Variants in PYROXD2 observed in about 807,000 individuals in gnomAD.
PYROXD2 encodes pyridine nucleotide-disulphide oxidoreductase domain 2, also known as pyridine nucleotide-disulfide oxidoreductase domain-containing protein 2.
PYROXD2 carries 69 observed loss-of-function variants against 71.1 expected under a neutral mutation model. The observed-to-expected ratio is 0.97, with a 90% CI of 0.80 to 1.19. The LOEUF (loss-of-function observed/expected upper bound fraction) is 1.19. Among genes scored for constraint, PYROXD2 ranks in the 50% most tolerant of loss-of-function variants. PYROXD2 has a pLI of 0.00. For synonymous variants in PYROXD2, 287 were observed against 302.7 expected (o/e 0.95, Z 0.54); for missense variants, 745 against 748.9 (o/e 0.99, Z 0.06).
At chr10:98,405,845 C>A (rs534714286) in intron 4 of PYROXD2, among the ~76,000 whole-genome samples, 1 of 152,242 alleles carries the variant, frequency 6.6e-6, no homozygotes, top group Admixed American at 6.5e-5. Context: ...GGCTTGAATT[C>A]TCCATCACTT....
At position 98,385,626 on chromosome 10, in the gene PYROXD2, G is replaced by A. The variant is rs1037130430; in HGVS notation, c.1555-559C>T. ...GGCAGGTCTGGACAAGAAGCCTGAC[G>A]TCTGTTGGGCATCCTCACAGGAGTG... On this transcript the variant is annotated intron_variant, in intron 14 of 15. Transcript: ENST00000370575. Among the ~76,000 whole-genome samples, 5 of 152,204 alleles carry A rather than the reference G, an allele frequency of 3.3e-5. No individual in the cohort carries two copies. In the East Asian group the frequency reaches 5.8e-4, roughly 18 times the overall value.
At chr10:98,394,082 TCA>T (rs990601928) in intron 8 of PYROXD2, among the ~76,000 whole-genome samples, 2 of 152,184 alleles carry the variant, frequency 1.3e-5, no homozygotes, top group Admixed American at 1.3e-4. Context: ...CCTCCTAGCA[TCA>T]CACTCACGCC....
chr10:98,407,612 C>T lies in PYROXD2; in HGVS notation c.285G>A (p.Arg95=), dbSNP rs1843644542. The change falls in exon 4 of 16, where the codon AGG becomes AGA. Residue 95 remains arginine, a synonymous_variant. Coordinates refer to ENST00000370575, the MANE Select transcript of PYROXD2 (RefSeq NM_032709.3). ...SRASYLLSLL[R]PQIYTDLELK... is the part of the protein sequence containing the mutation. ...GCTCCAGATCAGTGTAAATCTGCGG[C>T]CTCAGCAGGCTGAGCAGGTAGGACG... The T allele has an allele frequency of 6.2e-7, 1 of 1,613,818 alleles. No homozygotes were observed. Among genetic ancestry groups the T allele is most frequent in the Non-Finnish European group, 8.5e-7 (1 of 1,179,998 alleles).
At chr10:98,407,734 GA>G (rs1843652454) in intron 3 of PYROXD2, 79 bp from the exon 4 acceptor site, 1 of 1,436,110 alleles carries the variant, frequency 7.0e-7, no homozygotes, top group African/African-American at 1.5e-5. Flanking sequence ...CAGGGATGGA[GA>G]CCGTCACCAG....
chr10:98,412,892 T>TCTGAGGCTAA, intron 1 of PYROXD2, among the ~76,000 whole-genome samples: 1 of 152,156 alleles, frequency 6.6e-6, no homozygotes, highest in East Asian at 1.9e-4. Context: ...AGGGGGCTTC[T>TCTGAGGCTAA]CTGAGGCTAA....
Position 98,407,637 on chromosome 10 carries a change from G to C in PYROXD2, c.260C>G (p.Ala87Gly). ...EIIPGFKFSR[A>G]SYLLSLLRPQ... is the part of the protein sequence containing the mutation. ...CCTCAGCAGGCTGAGCAGGTAGGACGCGCGGGAGAACTTAAACCCTGAAAC... is the reference window on the plus strand; with the variant it reads ...CCTCAGCAGGCTGAGCAGGTAGGACCCGCGGGAGAACTTAAACCCTGAAAC... Residue 87 changes from alanine (A) to glycine (G), a missense_variant, in exon 4 of 16, where the codon GCG becomes GGG. Physicochemically the swap from Ala to Gly is moderately conservative, Grantham distance 60. Coordinates refer to ENST00000370575, the MANE Select transcript of PYROXD2 (RefSeq NM_032709.3). 1 of 1,613,960 alleles carries C rather than the reference G, an allele frequency of 6.2e-7. No homozygotes were observed. Among genetic ancestry groups the C allele is most frequent in the Non-Finnish European group, 8.5e-7 (1 of 1,179,964 alleles).
At chr10:98,389,047 C>T (rs1842858439) in intron 12 of PYROXD2, among the ~76,000 whole-genome samples, 1 of 152,162 alleles carries the variant, frequency 6.6e-6, no homozygotes. Context: ...ATATGAGTCT[C>T]CTTCAAGGCC....
intron 6 of PYROXD2, among the ~76,000 whole-genome samples, chr10:98,396,550 C>T (rs1005276854): frequency 6.6e-6 from 1 of 152,172 alleles, no homozygotes; most frequent in African/African-American, 2.4e-5. Flanking sequence ...ACTTAATGAG[C>T]CTTCCATTCG....
chr10:98,406,631 G>A (rs1456269060), intron 4 of PYROXD2, among the ~76,000 whole-genome samples: 7 of 150,540 alleles, frequency 4.6e-5, no homozygotes, highest in South Asian at 2.1e-4. Context: ...GGTGGCTCAC[G>A]CCTGTTAATC....
intron 4 of PYROXD2, among the ~76,000 whole-genome samples, chr10:98,404,212 A>G (rs1277601033): frequency 2.0e-5 from 3 of 152,224 alleles, no homozygotes; most frequent in African/African-American, 4.8e-5. Flanking sequence ...AAGGGGACCA[A>G]CTGTTTAAAC....
chr10:98,385,576 G>T (rs1364067952), intron 14 of PYROXD2, among the ~76,000 whole-genome samples: 2 of 152,314 alleles, frequency 1.3e-5, no homozygotes, highest in South Asian at 2.1e-4. Context: ...AGGCAGCATG[G>T]GACAAGCGAA....
chr10:98,389,953 T>A (rs1842891688), intron 12 of PYROXD2, among the ~76,000 whole-genome samples: 1 of 152,220 alleles, frequency 6.6e-6, no homozygotes, highest in African/African-American at 2.4e-5. Context: ...CAGGCGCACA[T>A]CTTCTTTACC....
intron 1 of PYROXD2, among the ~76,000 whole-genome samples, chr10:98,412,172 G>A (rs1219912977): frequency 6.6e-6 from 1 of 152,210 alleles, no homozygotes; most frequent in South Asian, 2.1e-4. Context: ...GCTGATGATC[G>A]ATCTTGGAAA....
In PYROXD2 at chr10:98,410,948, T is replaced by C. The variant is rs918089116; in HGVS notation, c.138A>G (p.Gly46=). 3 of 1,563,946 alleles carry C rather than the reference T, an allele frequency of 1.9e-6. No individual in the cohort carries two copies. Among genetic ancestry groups the C allele is most frequent in the Admixed American group, 1.9e-5 (1 of 51,902 alleles). ...DAVVIGAGHN[G]LVAAAYLQRL... The stretch of plus-strand genomic sequence containing the variant: ...GTGGGGAGGTACTCACAGCCACCAG[T>C]CCGTTGTGTCCTGCAACAAAACGGG... Residue 46 remains glycine (G), a synonymous_variant, in exon 2 of 16, where the codon GGA becomes GGG. Transcript: ENST00000370575.
chr10:98,405,767 G>A (rs781055523), intron 4 of PYROXD2, among the ~76,000 whole-genome samples: 10 of 152,216 alleles, frequency 6.6e-5, no homozygotes, highest in African/African-American at 1.9e-4. Context: ...GAGTCTGGGC[G>A]GTATTGGTAC....
At chr10:98,395,365 G>A (rs545065850) in intron 7 of PYROXD2, 26 bp downstream of exon 7, 57 of 1,613,712 alleles carry the variant, frequency 3.5e-5, no homozygotes, top group Admixed American at 8.3e-5. Context: ...CTGCCTGGTC[G>A]GGCCTGAGGC....
rs1843966819 is a variant in PYROXD2, at chr10:98,415,154, C to G, written c.-19G>C. 1 of 1,609,570 alleles carries G rather than the reference C, an allele frequency of 6.2e-7. No homozygotes were observed. The highest frequency in any genetic ancestry group is 1.1e-5 in the South Asian group (1 of 90,484). ...CAGCCATTTCTGCCCCAGGCTGGGC[C>G]TTGCTAGGCAGGGAGTTTGCTAGCG... On this transcript the variant is annotated 5_prime_UTR_variant, in exon 1 of 16. Transcript: ENST00000370575.
At chr10:98,409,630 T>C (rs56145188) in intron 2 of PYROXD2, among the ~76,000 whole-genome samples, 40,012 of 152,164 alleles carry the variant, frequency 0.26, 6,528 homozygotes, top group Non-Finnish European at 0.34. Flanking sequence ...CAAGGCTGCA[T>C]GTGCCAGGTC....
intron 15 of PYROXD2, 117 bp from the exon 16 acceptor site, chr10:98,383,985 C>T (rs1336974371): frequency 3.3e-5 from 29 of 866,534 alleles, no homozygotes; most frequent in Middle Eastern, 3.0e-4. Context: ...TAGAGGGGTC[C>T]GGGGGCATGG....
Sources: allele counts gnomAD v4.1 joint callset (sites outside exome capture counted in the v4.1 genomes callset), GRCh38; gene constraint gnomAD v4.1.1; transcripts MANE v1.5; gene names NCBI Gene and HGNC (gene_info 2026-07-23, HGNC 2026-07-21).